The following TLCD4 variants were observed in gnomAD, a reference collection of about 807,000 sequenced individuals.
TLCD4 encodes TLC domain-containing protein 4.
Under a neutral mutation model 24.2 loss-of-function variants are expected in TLCD4, and 7 were observed. The observed-to-expected ratio is 0.29, with a 90% CI of 0.16 to 0.54. The LOEUF (loss-of-function observed/expected upper bound fraction) is 0.54, where lower values mean the gene tolerates loss of function less well. TLCD4 is among the 20% of genes least tolerant of loss of function. The pLI is 0.95. For synonymous variants in TLCD4, 103 were observed against 106.4 expected (o/e 0.97, Z 0.20); for missense variants, 259 against 313.9 (o/e 0.82, Z 1.32).
At chr1:95,173,194 G>A (rs1678287473) in intron 5 of TLCD4, among the ~76,000 whole-genome samples, 2 of 152,156 alleles carry the variant, frequency 1.3e-5, no homozygotes, top group African/African-American at 4.8e-5. Context: ...GAGGATAAGT[G>A]CTTTTTTGAG....
rs116690346 is a variant in TLCD4 at position 95,125,043 on chromosome 1, G to C, written c.-12+7426G>C. Among the ~76,000 whole-genome samples the C allele has an allele frequency of 9.0e-3, 1,377 of 152,268 alleles. 25 individuals are homozygous for C. Among genetic ancestry groups the C allele is most frequent in the African/African-American group, 0.031 (1,304 of 41,544 alleles). ...TCATCAGGGCTTAGAGGTCTACCAG[G>C]TGGGTCAGCTTGACCCTGTTTCATA... On this transcript the variant is annotated intron_variant, in intron 1 of 6. Coordinates refer to ENST00000370203, the MANE Select transcript of TLCD4 (RefSeq NM_152487.3).
chr1:95,153,290 G>C (rs1357240775), intron 5 of TLCD4, among the ~76,000 whole-genome samples: 4 of 151,904 alleles, frequency 2.6e-5, no homozygotes, highest in Non-Finnish European at 4.4e-5. Context: ...GTTGTCAAAA[G>C]GGTAAATTTT....
At chr1:95,183,292 G>A (rs1462798945) in intron 6 of TLCD4, among the ~76,000 whole-genome samples, 1 of 152,154 alleles carries the variant, frequency 6.6e-6, no homozygotes, top group Non-Finnish European at 1.5e-5. Flanking sequence ...AAAAATTAGA[G>A]AATACGGACA....
At chr1:95,184,351 AC>A (rs962727521) in intron 6 of TLCD4, among the ~76,000 whole-genome samples, 74 of 31,634 alleles carry the variant, frequency 2.3e-3, no homozygotes, top group African/African-American at 5.1e-3. Flanking sequence ...CTCTTTTCTC[AC>A]TTTTTTTTTT....
chr1:95,096,165 T>C, the TLCD4 span, among the ~76,000 whole-genome samples: 1 of 152,254 alleles, frequency 6.6e-6, no homozygotes, highest in African/African-American at 2.4e-5. Context: ...CAATTAGCCA[T>C]TCAAATTTTA....
chr1:95,188,632 A>G (rs762745756), intron 6 of TLCD4, among the ~76,000 whole-genome samples: 24 of 152,024 alleles, frequency 1.6e-4, no homozygotes, highest in Non-Finnish European at 1.8e-4. Context: ...CCAATACAAC[A>G]TTATTTATTT....
chr1:95,115,842 C>T (rs146702901), upstream of TLCD4, among the ~76,000 whole-genome samples: 180 of 152,320 alleles, frequency 1.2e-3, 3 homozygotes, highest in African/African-American at 4.2e-3. Context: ...AGTGTTGATA[C>T]AGACTCTTGA....
At chr1:95,142,130 C>T (rs928242503) in intron 1 of TLCD4, among the ~76,000 whole-genome samples, 17 of 119,274 alleles carry the variant, frequency 1.4e-4, no homozygotes, top group East Asian at 2.5e-4. Flanking sequence ...GCCTTAGTGC[C>T]TTTTTTTTTT....
At chr1:95,138,730 A>G (rs755092610) in intron 1 of TLCD4, among the ~76,000 whole-genome samples, 4 of 152,284 alleles carry the variant, frequency 2.6e-5, no homozygotes, top group South Asian at 4.1e-4. Flanking sequence ...TACTGAATAC[A>G]TGGTGTAGAC....
At chr1:95,122,661 A>G (rs1427027812) in intron 1 of TLCD4, among the ~76,000 whole-genome samples, 1 of 152,190 alleles carries the variant, frequency 6.6e-6, no homozygotes, top group African/African-American at 2.4e-5. Context: ...ATGGAGCTCA[A>G]TTCTGGGTCC....
At chr1:95,163,584 T>C (rs1677905865) in intron 5 of TLCD4, 1 of 152,236 alleles carries the variant, frequency 6.6e-6, no homozygotes, top group Admixed American at 6.5e-5. Flanking sequence ...ATAGGTGCTC[T>C]GATTTTTAGA....
chr1:95,151,661 A>G (rs1243121139), intron 5 of TLCD4, among the ~76,000 whole-genome samples: 1 of 152,084 alleles, frequency 6.6e-6, no homozygotes, highest in Non-Finnish European at 1.5e-5. Flanking sequence ...AAATGACCCT[A>G]ATTCTTTGAA....
chr1:95,156,525 G>T (rs1485734260), intron 5 of TLCD4, among the ~76,000 whole-genome samples: 1 of 152,112 alleles, frequency 6.6e-6, no homozygotes, highest in East Asian at 1.9e-4. Flanking sequence ...GATACAATTG[G>T]CATGTTAGAA....
intron 1 of TLCD4, among the ~76,000 whole-genome samples, chr1:95,127,703 T>C (rs1246720347): frequency 6.6e-6 from 1 of 152,250 alleles, no homozygotes; most frequent in Non-Finnish European, 1.5e-5. Flanking sequence ...ACCTGGTCTC[T>C]GCTTCAGCTT....
chr1:95,144,701 A>T (rs967184859), intron 2 of TLCD4, among the ~76,000 whole-genome samples: 76 of 150,746 alleles, frequency 5.0e-4, no homozygotes, highest in African/African-American at 1.7e-3. Flanking sequence ...TTGTTTATTT[A>T]TTTTTTTGAG....
intron 5 of TLCD4, among the ~76,000 whole-genome samples, 153 bp from the exon 6 acceptor site, chr1:95,173,663 A>C (rs1349179685): frequency 3.3e-5 from 5 of 152,226 alleles, no homozygotes; most frequent in Non-Finnish European, 7.3e-5. Context: ...CTCACGAAGA[A>C]AATCAGTTTA....
chr1:95,182,591 A>T (rs1051747040), intron 6 of TLCD4, among the ~76,000 whole-genome samples: 1 of 152,192 alleles, frequency 6.6e-6, no homozygotes, highest in Non-Finnish European at 1.5e-5. Flanking sequence ...CCATTTCTTT[A>T]TTTGTGCTAA....
chr1:95,158,291 G>A lies in TLCD4; in HGVS notation c.399+6872G>A, dbSNP rs112732398. Among the ~76,000 whole-genome samples the A allele has an allele frequency of 2.6e-3, 391 of 150,106 alleles. 2 individuals carry two copies. Among genetic ancestry groups the A allele is most frequent in the African/African-American group, 9.2e-3 (375 of 40,778 alleles). On this transcript the variant is annotated intron_variant, in intron 5 of 6. Coordinates refer to ENST00000370203, the MANE Select transcript of TLCD4 (RefSeq NM_152487.3). Reference sequence around the variant, plus strand: ...CAGCCTTGACCTCCCAGGGCCAAGCGATCTGCCTGCCTCAGCCTCCTGAGT... The same window carrying A: ...CAGCCTTGACCTCCCAGGGCCAAGCAATCTGCCTGCCTCAGCCTCCTGAGT...
At chr1:95,133,886 A>G (rs1676972132) in intron 1 of TLCD4, among the ~76,000 whole-genome samples, 1 of 151,808 alleles carries the variant, frequency 6.6e-6, no homozygotes, top group Non-Finnish European at 1.5e-5. Flanking sequence ...GATTTTGTCA[A>G]CTCTTGGCAA....
Sources: allele counts gnomAD v4.1 joint callset (sites outside exome capture counted in the v4.1 genomes callset), GRCh38; gene constraint gnomAD v4.1.1; transcripts MANE v1.5; gene names NCBI Gene and HGNC (gene_info 2026-07-23, HGNC 2026-07-21).